Variants in ATP10A observed in about 807,000 individuals in gnomAD.
The protein encoded by ATP10A is phospholipid-transporting ATPase VA.
A neutral mutation model predicts 147.8 loss-of-function variants in ATP10A; 111 were observed. That is an observed-to-expected ratio of 0.75 (90% CI 0.64 to 0.88). The LOEUF (loss-of-function observed/expected upper bound fraction) is 0.88. Among genes scored for constraint, ATP10A ranks in the 40% least tolerant of loss-of-function variants. ATP10A has a pLI of 0.00. For synonymous variants in ATP10A, 875 were observed against 841.6 expected (o/e 1.04, Z -0.69); for missense variants, 1,927 against 1,959.0 (o/e 0.98, Z 0.31).
intron 2 of ATP10A, among the ~76,000 whole-genome samples, chr15:25,768,746 C>G (rs1489506631): frequency 8.1e-6 from 1 of 123,644 alleles, no homozygotes; most frequent in Non-Finnish European, 1.6e-5. Context: ...TCAGGTTGGT[C>G]TCAAACTCCT....
At chr15:25,810,727 G>A (rs972954368) in intron 1 of ATP10A, among the ~76,000 whole-genome samples, 1 of 152,108 alleles carries the variant, frequency 6.6e-6, no homozygotes, top group South Asian at 2.1e-4. Flanking sequence ...GGCTGCCCAG[G>A]TTCTAAAAGT....
chr15:25,726,108 G>A (rs1263049587), intron 4 of ATP10A, 26 bp from the exon 5 acceptor site: 4 of 1,608,988 alleles, frequency 2.5e-6, no homozygotes, highest in African/African-American at 1.3e-5. Flanking sequence ...AAGAGACATG[G>A]CAAGTCAGAG....
intron 1 of ATP10A, among the ~76,000 whole-genome samples, chr15:25,790,081 C>T (rs1022396680): frequency 2.0e-5 from 3 of 152,176 alleles, no homozygotes; most frequent in Admixed American, 6.5e-5. Flanking sequence ...GCAGTGGGAA[C>T]GTGAGCCAAG....
Position 25,714,240 on chromosome 15 carries a change from A to C in ATP10A, c.1778T>G (p.Val593Gly). ...VTSPDQPRTKVRVRFELKSPV... is the reference protein window; with the variant it reads ...VTSPDQPRTKGRVRFELKSPV... The stretch of plus-strand genomic sequence containing the variant: ...GGACTTCAGCTCAAACCTCACCCTC[A>C]CCTGCAAGAGAAATGGTCAGAAGGC... Residue 593 changes from valine to glycine, a missense_variant and splice_region_variant, in exon 10 of 21, where the codon GTG (valine) becomes GGG (glycine). Val to Gly is a moderately radical substitution (Grantham distance 109). Transcript: ENST00000555815. The C allele has an allele frequency of 6.3e-7, 1 of 1,598,984 alleles. No homozygotes were observed. Among genetic ancestry groups the C allele is most frequent in the Non-Finnish European group, 8.5e-7 (1 of 1,179,908 alleles).
At chr15:25,685,753 G>A (rs1899677504) in intron 16 of ATP10A, among the ~76,000 whole-genome samples, 1 of 151,236 alleles carries the variant, frequency 6.6e-6, no homozygotes, top group Non-Finnish European at 1.5e-5. Flanking sequence ...GAGCCTAGGA[G>A]TTTGAGGATA....
intron 2 of ATP10A, among the ~76,000 whole-genome samples, chr15:25,773,817 TCCACACACACAC>T (rs1476011939): frequency 9.5e-6 from 1 of 105,028 alleles, no homozygotes; most frequent in African/African-American, 3.7e-5. Flanking sequence ...CACCTAAACA[TCCACACACACAC>T]ACACACACAC....
chr15:25,707,281 T>C (rs1386065342), intron 12 of ATP10A, among the ~76,000 whole-genome samples: 1 of 152,128 alleles, frequency 6.6e-6, no homozygotes, highest in African/African-American at 2.4e-5. Flanking sequence ...GAAGATGACC[T>C]GCCCAGGGCT....
intron 1 of ATP10A, among the ~76,000 whole-genome samples, chr15:25,809,660 A>G (rs1467421141): frequency 1.3e-5 from 2 of 152,108 alleles, no homozygotes; most frequent in African/African-American, 4.8e-5. Flanking sequence ...ATGGTTCCAT[A>G]TATGTACTAC....
chr15:25,861,073 G>T (rs562109454), intron 1 of ATP10A, among the ~76,000 whole-genome samples: 2 of 152,210 alleles, frequency 1.3e-5, no homozygotes, highest in Non-Finnish European at 2.9e-5. Flanking sequence ...GTGAACAGGG[G>T]CCAGGAAATC....
At chr15:25,772,501 C>T (rs761834937) in intron 2 of ATP10A, among the ~76,000 whole-genome samples, 1 of 152,204 alleles carries the variant, frequency 6.6e-6, no homozygotes, top group Non-Finnish European at 1.5e-5. Flanking sequence ...GCAGAATTTC[C>T]TGTCTGGTGG....
intron 1 of ATP10A, among the ~76,000 whole-genome samples, chr15:25,831,868 C>T (rs1444939693): frequency 6.6e-6 from 1 of 152,158 alleles, no homozygotes; most frequent in African/African-American, 2.4e-5. Context: ...AGGACAGTGC[C>T]AGTACGTGAC....
At chr15:25,700,572 G>A (rs1392210525) in intron 13 of ATP10A, among the ~76,000 whole-genome samples, 2 of 152,186 alleles carry the variant, frequency 1.3e-5, no homozygotes, top group Non-Finnish European at 2.9e-5. Flanking sequence ...CAGAAGCCAG[G>A]CTCTGAAAGT....
chr15:25,683,479 A>T lies in ATP10A; in HGVS notation c.3299T>A (p.Val1100Glu), dbSNP rs202136173. ...AAACTGGAACCAAAACAGGAGGCCC[A>T]CGAACATCTGAAATCAAGAAAGGAA... ...LYFFYKNTMFVGLLFWFQFFC... is the reference protein window; with the variant it reads ...LYFFYKNTMFEGLLFWFQFFC... Residue 1100 changes from valine to glutamate, a missense_variant, in exon 17 of 21, where the codon GTG becomes GAG. By Grantham distance (121) the Val-to-Glu change is moderately radical (BLOSUM62 -2). Coordinates refer to ENST00000555815, the MANE Select transcript of ATP10A (RefSeq NM_024490.4). The T allele has an allele frequency of 1.9e-6, 3 of 1,612,654 alleles. No individual in the cohort carries two copies. The highest frequency in any genetic ancestry group is 2.5e-6 in the Non-Finnish European group (3 of 1,179,298).
At chr15:25,844,239 T>C (rs918052070) in intron 1 of ATP10A, among the ~76,000 whole-genome samples, 3 of 152,136 alleles carry the variant, frequency 2.0e-5, no homozygotes, top group Non-Finnish European at 4.4e-5. Context: ...GAATCTGCCA[T>C]TCAGTAGAAG....
intron 2 of ATP10A, among the ~76,000 whole-genome samples, chr15:25,740,457 GCA>G (rs556740175): frequency 1.3e-3 from 199 of 152,306 alleles, no homozygotes; most frequent in African/African-American, 4.6e-3. Flanking sequence ...GTGAGAGAAT[GCA>G]CAGAGAGCAG....
At chr15:25,757,509 T>C (rs940312368) in intron 2 of ATP10A, among the ~76,000 whole-genome samples, 4 of 152,126 alleles carry the variant, frequency 2.6e-5, no homozygotes, top group Non-Finnish European at 5.9e-5. Context: ...AGCAATTCTA[T>C]CTAATTCAAA....
At chr15:25,770,636 C>A (rs890242498) in intron 2 of ATP10A, among the ~76,000 whole-genome samples, 13 of 152,146 alleles carry the variant, frequency 8.5e-5, no homozygotes, top group African/African-American at 2.9e-4. Flanking sequence ...TCAGGACCCC[C>A]AAACTTAGGC....
At chr15:25,810,306 G>C (rs1891372052) in intron 1 of ATP10A, among the ~76,000 whole-genome samples, 1 of 152,200 alleles carries the variant, frequency 6.6e-6, no homozygotes, top group African/African-American at 2.4e-5. Flanking sequence ...CGAGAGGGCA[G>C]AGCCCACAGG....
chr15:25,715,656 C>T (rs1238836413), intron 9 of ATP10A, among the ~76,000 whole-genome samples: 1 of 152,262 alleles, frequency 6.6e-6, no homozygotes, highest in African/African-American at 2.4e-5. Flanking sequence ...CCCAGGGCTG[C>T]CGGCCTAAGC....
Sources: allele counts gnomAD v4.1 joint callset (sites outside exome capture counted in the v4.1 genomes callset), GRCh38; gene constraint gnomAD v4.1.1; transcripts MANE v1.5; gene names NCBI Gene and HGNC (gene_info 2026-07-23, HGNC 2026-07-21).